Variants in CCDC179 observed in about 807,000 individuals in gnomAD.
CCDC179 encodes the protein coiled-coil domain-containing protein 179.
In CCDC179, 17 loss-of-function variants were observed where a neutral mutation model predicts 12.0. That is an observed-to-expected ratio of 1.42 (90% confidence interval 0.97 to 2.13). CCDC179 has a LOEUF of 2.13. Among genes scored for constraint, CCDC179 ranks in the 30% most tolerant of loss-of-function variants. The pLI is 0.00. For missense variants in CCDC179, 83 were observed against 78.6 expected (o/e 1.06, Z -0.21); for synonymous variants, 27 against 26.4 (o/e 1.02, Z -0.07).
intron 3 of CCDC179, among the ~76,000 whole-genome samples, chr11:22,852,728 T>G (rs950901808): frequency 1.2e-4 from 19 of 152,214 alleles, no homozygotes; most frequent in Non-Finnish European, 2.4e-4. Flanking sequence ...CCTCCAAATT[T>G]TCAGAGAGGC....
In CCDC179 at chr11:22,847,522, C is replaced by A; in HGVS notation, c.196-1G>T. The A allele has an allele frequency of 7.1e-7, 1 of 1,407,140 alleles. No individual in the cohort carries two copies. Among genetic ancestry groups the A allele is most frequent in the Non-Finnish European group, 9.4e-7 (1 of 1,062,412 alleles). 87.2% of individuals were successfully genotyped at this position (1,407,140 alleles called of 1,614,324 possible). On this transcript the variant is annotated splice_acceptor_variant, in intron 3 of 3. Coordinates refer to ENST00000532798, the MANE Select transcript of CCDC179 (RefSeq NM_001195637.2). LOFTEE classifies it high-confidence loss of function. ...GACTCCTGCTTTATCAAGATGACCA[C>A]TAGACAAGATTAAAATACACAAAGA...
chr11:22,848,282 A>G (rs1858275259), intron 3 of CCDC179, among the ~76,000 whole-genome samples: 1 of 152,026 alleles, frequency 6.6e-6, no homozygotes. Context: ...CATCTCTACT[A>G]AAAATACAAA....
rs1387825819 is a variant in CCDC179 at position 22,847,493 on chromosome 11, A to G, written c.*17T>C. 5 of 1,429,756 alleles carry G rather than the reference A, an allele frequency of 3.5e-6. No individual in the cohort carries two copies. The highest frequency in any genetic ancestry group is 4.6e-6 in the Non-Finnish European group (5 of 1,075,420). 88.6% of individuals were successfully genotyped at this position (1,429,756 alleles called of 1,614,324 possible). A position where few individuals can be genotyped will look rare whatever the true frequency, so the allele number is the denominator to read the frequency against. On this transcript the variant is annotated 3_prime_UTR_variant, in exon 4 of 4. Transcript: ENST00000532798. ...TCTGTCTGGAGCATGGTTTCCTTCA[A>G]ATAGACTCCTGCTTTATCAAGATGA...
intron 3 of CCDC179, among the ~76,000 whole-genome samples, chr11:22,850,982 T>A (rs1484193291): frequency 1.4e-3 from 62 of 44,456 alleles, no homozygotes; most frequent in African/African-American, 2.4e-3. Context: ...ATATATTTTT[T>A]TTTTTTTTTT....
At chr11:22,849,251 A>G (rs1284135819) in intron 3 of CCDC179, among the ~76,000 whole-genome samples, 1 of 152,244 alleles carries the variant, frequency 6.6e-6, no homozygotes. Flanking sequence ...TAATACCATT[A>G]GTAAAAAGTA....
intron 3 of CCDC179, among the ~76,000 whole-genome samples, chr11:22,850,046 G>C (rs1340932100): frequency 6.6e-6 from 1 of 152,136 alleles, no homozygotes; most frequent in Admixed American, 6.5e-5. Context: ...TGCAGGGAAG[G>C]CTGGCCACCT....
intron 2 of CCDC179, among the ~76,000 whole-genome samples, chr11:22,858,379 T>C (rs893051110): frequency 6.6e-6 from 1 of 151,994 alleles, no homozygotes; most frequent in African/African-American, 2.4e-5. Context: ...TATAGAAATA[T>C]GAAAACAATT....
At chr11:22,849,829 C>G (rs971662282) in intron 3 of CCDC179, among the ~76,000 whole-genome samples, 2 of 152,006 alleles carry the variant, frequency 1.3e-5, no homozygotes, top group African/African-American at 4.8e-5. Flanking sequence ...AGGACACGGA[C>G]ACACATGAGG....
intron 3 of CCDC179, among the ~76,000 whole-genome samples, chr11:22,850,941 T>C (rs1332897548): frequency 1.2e-3 from 12 of 10,186 alleles, no homozygotes; most frequent in Admixed American, 2.2e-3. Flanking sequence ...TTGCATAGGC[T>C]ATATATATAT....
chr11:22,852,107 C>G (rs1372305755), intron 3 of CCDC179, among the ~76,000 whole-genome samples: 3 of 152,150 alleles, frequency 2.0e-5, no homozygotes, highest in Non-Finnish European at 2.9e-5. Flanking sequence ...TTCCCTATAG[C>G]TTTCCTATCT....
chr11:22,859,447 A>C lies in CCDC179; in HGVS notation c.90+5T>G, dbSNP rs1249797489. ...CCAGAACCTAGTTCTTTATTTAAAC[A>C]TTACCTGCCGCTCAGTGACCTCTGA... On this transcript the variant is annotated splice_donor_5th_base_variant and intron_variant, in intron 2 of 3. Coordinates refer to ENST00000532798, the MANE Select transcript of CCDC179 (RefSeq NM_001195637.2). 6.7e-7 allele frequency: 1 copy of C among 1,487,914 alleles called. No individual in the cohort carries two copies. The highest frequency in any genetic ancestry group is 8.9e-7 in the Non-Finnish European group (1 of 1,120,180). The allele number at this position is 1,487,914 out of a possible 1,614,324, so 92.2% of individuals were successfully genotyped here.
In CCDC179 at chr11:22,847,352, A is replaced by G. The variant is rs990231899; in HGVS notation, c.*158T>C. 1.7e-5 allele frequency: 7 copies of G among 403,146 alleles called. No homozygotes were observed. The highest frequency in any genetic ancestry group is 2.2e-5 in the Non-Finnish European group (5 of 231,942). The allele number at this position is 403,146 out of a possible 1,614,324, so 25.0% of individuals were successfully genotyped here. A position where few individuals can be genotyped will look rare whatever the true frequency, so the allele number is the denominator to read the frequency against. On this transcript the variant is annotated 3_prime_UTR_variant, in exon 4 of 4. Coordinates refer to ENST00000532798, the MANE Select transcript of CCDC179 (RefSeq NM_001195637.2). ...CATTTAATAAAATTCTAGAGCCTGTAGCTTGGATATTAAATACTTGCACTG... is the reference window on the plus strand; with the variant it reads ...CATTTAATAAAATTCTAGAGCCTGTGGCTTGGATATTAAATACTTGCACTG...
chr11:22,853,080 AATTTT>A (rs1273778169), intron 3 of CCDC179, among the ~76,000 whole-genome samples: 3 of 152,184 alleles, frequency 2.0e-5, no homozygotes, highest in South Asian at 2.1e-4. Flanking sequence ...AATCAGGGGA[AATTTT>A]ACCCTCTGAT....
intron 3 of CCDC179, among the ~76,000 whole-genome samples, chr11:22,855,888 A>T (rs1409581450): frequency 6.6e-6 from 1 of 151,472 alleles, no homozygotes; most frequent in Non-Finnish European, 1.5e-5. Context: ...ATAATAAAAG[A>T]ACATAACCAA....
At chr11:22,859,211 T>C (rs566720026) in intron 2 of CCDC179, among the ~76,000 whole-genome samples, 4 of 152,176 alleles carry the variant, frequency 2.6e-5, no homozygotes, top group Admixed American at 6.5e-5. Flanking sequence ...TTATAAATTA[T>C]ATCTGCCACA....
chr11:22,847,770 T>C (rs1858259925), intron 3 of CCDC179, among the ~76,000 whole-genome samples: 1 of 152,160 alleles, frequency 6.6e-6, no homozygotes, highest in Non-Finnish European at 1.5e-5. Flanking sequence ...GGATATGATA[T>C]AAAACAATTC....
At chr11:22,853,007 C>T (rs373942049) in intron 3 of CCDC179, among the ~76,000 whole-genome samples, 47 of 152,130 alleles carry the variant, frequency 3.1e-4, no homozygotes, top group African/African-American at 1.1e-3. Flanking sequence ...AAATTGCAAG[C>T]TTCAGATATT....
chr11:22,857,450 A>G (rs1858553658), intron 3 of CCDC179, among the ~76,000 whole-genome samples: 1 of 151,724 alleles, frequency 6.6e-6, no homozygotes, highest in South Asian at 2.1e-4. Flanking sequence ...AGAACTTGAC[A>G]TCTACATGAA....
At chr11:22,853,627 C>T (rs1454036983) in intron 3 of CCDC179, among the ~76,000 whole-genome samples, 1 of 125,116 alleles carries the variant, frequency 8.0e-6, no homozygotes, top group African/African-American at 3.0e-5. Flanking sequence ...GCAACAATTA[C>T]AAAAAGTATA....
Sources: allele counts gnomAD v4.1 joint callset (sites outside exome capture counted in the v4.1 genomes callset), GRCh38; gene constraint gnomAD v4.1.1; transcripts MANE v1.5; gene names NCBI Gene and HGNC (gene_info 2026-07-23, HGNC 2026-07-21).